The following ADGRV1 variants were observed in gnomAD, a reference collection of about 807,000 sequenced individuals.
The protein encoded by ADGRV1 is adhesion G protein-coupled receptor V1.
In ADGRV1, 359 loss-of-function variants were observed where a neutral mutation model predicts 596.2. The ratio of observed to expected loss-of-function variants is 0.60; its 90% confidence interval spans 0.55 to 0.66. The LOEUF (loss-of-function observed/expected upper bound fraction) is 0.66. ADGRV1 is among the 30% of genes least tolerant of loss of function. ADGRV1 has a pLI of 0.00. For missense variants in ADGRV1, 7,274 were observed against 7,575.6 expected, an observed-to-expected ratio of 0.96 and a Z score of 1.48; for synonymous variants, 2,681 against 2,679.2, an observed-to-expected ratio of 1.00 and a Z score of -0.02.
Position 90,721,301 on chromosome 5 carries a change from G to A in ADGRV1, c.9748+242G>A, listed in dbSNP as rs574600601. Reference sequence around the variant, plus strand: ...GGGTGGATCACAAGGTCAGGAGATCGAGACCATCCTGGCTAACATGGTGAA... The same window carrying A: ...GGGTGGATCACAAGGTCAGGAGATCAAGACCATCCTGGCTAACATGGTGAA... On this transcript the variant is annotated intron_variant, in intron 45 of 89. Coordinates refer to ENST00000405460, the MANE Select transcript of ADGRV1 (RefSeq NM_032119.4). Among the ~76,000 whole-genome samples, 1,021 of 151,864 alleles carry A rather than the reference G, an allele frequency of 6.7e-3. 9 individuals carry two copies. The highest frequency in any genetic ancestry group is 0.017 in the Middle Eastern group (5 of 294).
At chr5:90,595,896 C>T (rs1402794786) in intron 1 of ADGRV1, among the ~76,000 whole-genome samples, 4 of 149,686 alleles carry the variant, frequency 2.7e-5, no homozygotes, top group African/African-American at 4.9e-5. Context: ...GCTGACCCCC[C>T]CCACCTCCCT....
intron 21 of ADGRV1, among the ~76,000 whole-genome samples, chr5:90,662,518 C>T (rs891781283): frequency 2.0e-5 from 3 of 151,914 alleles, no homozygotes; most frequent in Admixed American, 6.6e-5. Context: ...TAAAGCAAAC[C>T]TCAGGCGTTA....
chr5:91,134,681 C>G (rs965569343), intron 87 of ADGRV1, among the ~76,000 whole-genome samples: 1 of 151,880 alleles, frequency 6.6e-6, no homozygotes, highest in African/African-American at 2.4e-5. Flanking sequence ...AGAATGTTTC[C>G]TTATGTTAAG....
At chr5:91,076,229 G>C (rs1014919312) in intron 86 of ADGRV1, among the ~76,000 whole-genome samples, 1 of 152,064 alleles carries the variant, frequency 6.6e-6, no homozygotes, top group Admixed American at 6.6e-5. Flanking sequence ...TCCCCCTTTT[G>C]TGAAGCCTTA....
intron 87 of ADGRV1, among the ~76,000 whole-genome samples, 187 bp downstream of exon 87, chr5:91,102,527 C>T (rs1472777139): frequency 6.6e-6 from 1 of 152,188 alleles, no homozygotes; most frequent in Non-Finnish European, 1.5e-5. Context: ...GACTGGGATT[C>T]TAACTTGCTC....
intron 42 of ADGRV1, among the ~76,000 whole-genome samples, chr5:90,713,253 A>C: frequency 6.6e-6 from 1 of 152,078 alleles, no homozygotes; most frequent in East Asian, 1.9e-4. Context: ...TAGAAAATAT[A>C]AAAGAATTCT....
intron 21 of ADGRV1, among the ~76,000 whole-genome samples, chr5:90,658,906 C>T (rs749499990): frequency 2.0e-5 from 3 of 152,132 alleles, no homozygotes; most frequent in Non-Finnish European, 4.4e-5. Flanking sequence ...TGTGTGACAG[C>T]AACAGCTTGG....
At chr5:90,647,162 A>G (rs1306990188) in intron 16 of ADGRV1, among the ~76,000 whole-genome samples, 1 of 152,206 alleles carries the variant, frequency 6.6e-6, no homozygotes, top group African/African-American at 2.4e-5. Context: ...AATATAAAAC[A>G]TAAGATCTCT....
chr5:90,773,445 A>G (rs958388338), intron 59 of ADGRV1, among the ~76,000 whole-genome samples: 5 of 152,318 alleles, frequency 3.3e-5, no homozygotes, highest in African/African-American at 1.2e-4. Flanking sequence ...AATAAGAAAA[A>G]ATAAAATCAT....
intron 28 of ADGRV1, among the ~76,000 whole-genome samples, chr5:90,685,197 A>G (rs1745442492): frequency 6.9e-6 from 1 of 145,470 alleles, no homozygotes; most frequent in African/African-American, 2.7e-5. Context: ...ACACTAGAGC[A>G]GGGACATTCT....
At chr5:90,621,828 T>C (rs953490655) in intron 4 of ADGRV1, among the ~76,000 whole-genome samples, 7 of 152,164 alleles carry the variant, frequency 4.6e-5, no homozygotes, top group African/African-American at 1.4e-4. Flanking sequence ...GAAGATGACA[T>C]TGATGATGAT....
chr5:90,767,516 A>G (rs1276899926), intron 59 of ADGRV1, among the ~76,000 whole-genome samples: 3 of 152,192 alleles, frequency 2.0e-5, no homozygotes, highest in African/African-American at 7.2e-5. Context: ...TTAAAAACCT[A>G]TGTGAAATTG....
At position 90,684,014 on chromosome 5, in the gene ADGRV1, A is replaced by G; in HGVS notation, c.6093A>G (p.Leu2031=). Residue 2031 remains leucine (L), a synonymous_variant, in exon 28 of 90, where the codon TTA becomes TTG. Transcript: ENST00000405460. ...MEKPPYFPPN[L]ARATQGRDYI... ...AACCACCTTATTTTCCACCTAATTT[A>G]GCGAGAGCAACTCAAGGAAGAGACT... The G allele has an allele frequency of 1.2e-6, 2 of 1,613,970 alleles. No individual in the cohort carries two copies. The highest frequency in any genetic ancestry group is 1.7e-6 in the Non-Finnish European group (2 of 1,179,872).
chr5:91,084,047 C>T (rs185227145), intron 86 of ADGRV1, among the ~76,000 whole-genome samples: 41 of 152,264 alleles, frequency 2.7e-4, no homozygotes, highest in African/African-American at 8.2e-4. Context: ...GATCTTCTCT[C>T]TTCCCAGGCC....
At chr5:90,690,111 T>A (rs758181572) in intron 30 of ADGRV1, 35 bp downstream of exon 30, 1 of 1,149,446 alleles carries the variant, frequency 8.7e-7, no homozygotes, top group Non-Finnish European at 1.3e-6. Context: ...CTTTGACTTG[T>A]CTGCATGTAT....
At chr5:91,025,059 C>A (rs1783915737) in intron 85 of ADGRV1, among the ~76,000 whole-genome samples, 1 of 152,110 alleles carries the variant, frequency 6.6e-6, no homozygotes, top group African/African-American at 2.4e-5. Flanking sequence ...CTTCTCTGAC[C>A]AACACTGGCA....
intron 30 of ADGRV1, 73 bp from the exon 31 acceptor site, chr5:90,690,724 G>A: frequency 7.0e-7 from 1 of 1,420,404 alleles, no homozygotes. Context: ...TCCACTATAG[G>A]ATGGTGCTTG....
chr5:90,788,304 AT>A lies in ADGRV1; in HGVS notation c.13889del (p.Leu4630Ter), dbSNP rs1561733989. The A allele has an allele frequency of 6.2e-7, 1 of 1,610,436 alleles. No homozygotes were observed. The highest frequency in any genetic ancestry group is 1.1e-5 in the South Asian group (1 of 90,570). ...TAGACTCCAGAGCTAAAGATGTTAC[AT>A]TAACCGTATGTATGGCTTTATTTTT... ...KLDSRAKDVT[L>X]TIQEFGDPNG... On this transcript the variant is annotated frameshift_variant, in exon 68 of 90. Transcript: ENST00000405460. LOFTEE classifies it high-confidence loss of function.
chr5:90,977,111 T>C (rs1283380545), intron 84 of ADGRV1, among the ~76,000 whole-genome samples: 1 of 152,158 alleles, frequency 6.6e-6, no homozygotes, highest in Non-Finnish European at 1.5e-5. Context: ...TTCTCGTTCA[T>C]CGTTGATTTA....
Sources: gnomAD v4.1 joint callset for allele counts (sites outside exome capture counted in the v4.1 genomes callset) on GRCh38, gnomAD v4.1.1 for gene constraint, MANE v1.5 for transcripts, NCBI Gene and HGNC (gene_info 2026-07-23, HGNC 2026-07-21) for gene names.